Variants in PCDHGA6 observed in about 807,000 individuals in gnomAD.
PCDHGA6 encodes the protein protocadherin gamma-A6.
A neutral mutation model predicts 60.6 loss-of-function variants in PCDHGA6; 41 were observed. That is an observed-to-expected ratio of 0.68 (90% CI 0.53 to 0.88). The LOEUF is 0.88. Ranked by LOEUF, PCDHGA6 falls within the 40% of genes least tolerant of loss-of-function variation. The pLI, the probability that PCDHGA6 is intolerant of heterozygous loss-of-function variation, is 0.00. For missense variants in PCDHGA6, 1,312 were observed against 1,203.0 expected (o/e 1.09, Z -1.34); for synonymous variants, 594 against 524.4 (o/e 1.13, Z -1.81).
chr5:141,425,348 A>C (rs2096869744), intron 1 of PCDHGA6, among the ~76,000 whole-genome samples: 1 of 152,242 alleles, frequency 6.6e-6, no homozygotes, highest in Non-Finnish European at 1.5e-5. Context: ...GTTGGCTTTG[A>C]AATGTGATAT....
At position 141,418,475 on chromosome 5, in the gene PCDHGA6, A is replaced by G; in HGVS notation, c.2424+41968A>G. On this transcript the variant is annotated intron_variant, in intron 1 of 3. Transcript: ENST00000517434. The stretch of plus-strand genomic sequence containing the variant: ...GAAGACTCTGGACCGAGAAACGCAG[A>G]GCGCTCACCACTTGGTACTGACCGC... 3 of 1,614,000 alleles carry G rather than the reference A, an allele frequency of 1.9e-6. No individual in the cohort carries two copies. Among genetic ancestry groups the G allele is most frequent in the Non-Finnish European group, 2.5e-6 (3 of 1,179,892 alleles).
chr5:141,469,005 G>A (rs1011079995), intron 1 of PCDHGA6, among the ~76,000 whole-genome samples: 7 of 151,814 alleles, frequency 4.6e-5, no homozygotes, highest in South Asian at 2.1e-4. Context: ...TGCTGGGTGC[G>A]GTGGGTCACT....
rs756216038 is a variant in PCDHGA6, at chr5:141,477,967, C to G, written c.2425-16840C>G. 1.9e-6 allele frequency: 3 copies of G among 1,614,032 alleles called. No homozygotes were observed. Among genetic ancestry groups the G allele is most frequent in the Admixed American group, 3.3e-5 (2 of 59,996 alleles). ...GTCTCTTGGGATCCCCTAACCAGAG[C>G]CTTTTTGCCATAGGGCTGCACACTG... On this transcript the variant is annotated intron_variant, in intron 1 of 3. Transcript: ENST00000517434. The surrounding 1 kb of genome is among the most constrained non-coding windows in gnomAD (Gnocchi z 4.9).
At chr5:141,501,298 C>CAG (rs2099807427) in intron 2 of PCDHGA6, among the ~76,000 whole-genome samples, 1 of 148,330 alleles carries the variant, frequency 6.7e-6, no homozygotes, top group Non-Finnish European at 1.5e-5. Context: ...TATACACACA[C>CAG]ACACACACAC....
chr5:141,383,651 T>TC, intron 1 of PCDHGA6: 1 of 1,613,922 alleles, frequency 6.2e-7, no homozygotes, highest in Non-Finnish European at 8.5e-7. Flanking sequence ...CAAGTAACTG[T>TC]CCCCGAGAAT....
At chr5:141,414,279 A>C in intron 1 of PCDHGA6, 1 of 1,613,350 alleles carries the variant, frequency 6.2e-7, no homozygotes, top group Non-Finnish European at 8.5e-7. Flanking sequence ...CTCTGGGAAC[A>C]GTCGTAGCCC....
intron 1 of PCDHGA6, chr5:141,384,915 G>C (rs1460379128): frequency 1.2e-6 from 2 of 1,613,914 alleles, no homozygotes; most frequent in Non-Finnish European, 1.7e-6. Context: ...CCGAAGTCTT[G>C]GCCGACCTGG....
chr5:141,414,533 C>T, intron 1 of PCDHGA6: 1 of 1,613,960 alleles, frequency 6.2e-7, no homozygotes, highest in Non-Finnish European at 8.5e-7. Flanking sequence ...AATGACAACC[C>T]ACCTACCTTC....
intron 1 of PCDHGA6, among the ~76,000 whole-genome samples, chr5:141,450,485 T>A (rs1382219564): frequency 6.6e-6 from 1 of 152,160 alleles, no homozygotes; most frequent in Non-Finnish European, 1.5e-5. Flanking sequence ...GTTTGTTTGT[T>A]TGTCTGTTTG....
chr5:141,477,671 G>A lies in PCDHGA6; in HGVS notation c.2425-17136G>A, dbSNP rs1022028453. The A allele has an allele frequency of 1.2e-6, 2 of 1,614,198 alleles. No individual in the cohort carries two copies. Among genetic ancestry groups the A allele is most frequent in the Non-Finnish European group, 1.7e-6 (2 of 1,180,048 alleles). Reference sequence around the variant, plus strand: ...CACAATAAATCGTGACAATGGCATAGTGTCATCCTTAGTGCCCCTAGACTA... The same window carrying A: ...CACAATAAATCGTGACAATGGCATAATGTCATCCTTAGTGCCCCTAGACTA... On this transcript the variant is annotated intron_variant, in intron 1 of 3. Coordinates refer to ENST00000517434, the MANE Select transcript of PCDHGA6 (RefSeq NM_018919.3). This position sits in a 1 kb window ranked among gnomAD's most constrained non-coding sequence, Gnocchi z 4.9.
chr5:141,398,787 A>C, intron 1 of PCDHGA6: 1 of 1,613,902 alleles, frequency 6.2e-7, no homozygotes, highest in South Asian at 1.1e-5. Context: ...GTGGACATCC[A>C]CCCCTAAGCG....
intron 1 of PCDHGA6, among the ~76,000 whole-genome samples, chr5:141,457,975 C>T (rs2098934043): frequency 6.6e-6 from 1 of 152,202 alleles, no homozygotes; most frequent in South Asian, 2.1e-4. Context: ...AAGGGAAACA[C>T]ACCCTTTCAG....
rs573088236 is a variant in PCDHGA6, at chr5:141,489,279, G to A, written c.2425-5528G>A. On this transcript the variant is annotated intron_variant, in intron 1 of 3. Coordinates refer to ENST00000517434, the MANE Select transcript of PCDHGA6 (RefSeq NM_018919.3). This position sits in a 1 kb window ranked among gnomAD's most constrained non-coding sequence, Gnocchi z 4.5. Reference sequence around the variant, plus strand: ...CACTCCCACAGCTCGCTGGGAAATGGCAAGTGCTGTGCATGTTGTCCTTGT... The same window carrying A: ...CACTCCCACAGCTCGCTGGGAAATGACAAGTGCTGTGCATGTTGTCCTTGT... The A allele has an allele frequency of 6.4e-7, 1 of 1,562,030 alleles. No individual in the cohort carries two copies. Among genetic ancestry groups the A allele is most frequent in the East Asian group, 2.2e-5 (1 of 44,522 alleles).
chr5:141,459,084 A>T (rs2098960410), intron 1 of PCDHGA6, among the ~76,000 whole-genome samples: 2 of 152,204 alleles, frequency 1.3e-5, no homozygotes, highest in Non-Finnish European at 2.9e-5. Flanking sequence ...TGCCTTTTAA[A>T]ATTATACAGT....
chr5:141,463,644 G>C (rs1356692609), intron 1 of PCDHGA6, among the ~76,000 whole-genome samples: 1 of 151,596 alleles, frequency 6.6e-6, no homozygotes, highest in Non-Finnish European at 1.5e-5. Context: ...GTAGAGACGG[G>C]GTTTCACCGT....
chr5:141,471,618 A>C (rs1421854064), intron 1 of PCDHGA6: 1 of 152,218 alleles, frequency 6.6e-6, no homozygotes, highest in Non-Finnish European at 1.5e-5. Context: ...TGGGAGTAGT[A>C]AGCATTGGTA....
intron 1 of PCDHGA6, chr5:141,421,848 T>C (rs571838248): frequency 4.9e-5 from 79 of 1,613,634 alleles, no homozygotes; most frequent in Non-Finnish European, 6.0e-5. Flanking sequence ...AGAAAGAGGC[T>C]GCTCACCTGC....
chr5:141,464,843 A>G lies in PCDHGA6; in HGVS notation c.2425-29964A>G, dbSNP rs183890796. On this transcript the variant is annotated intron_variant, in intron 1 of 3. Coordinates refer to ENST00000517434, the MANE Select transcript of PCDHGA6 (RefSeq NM_018919.3). Reference sequence around the variant, plus strand: ...AGCCTCGCACTCCTGGGCTCAAGCAATCCTCCTACCTTAGCCTCCCAAGTA... The same window carrying G: ...AGCCTCGCACTCCTGGGCTCAAGCAGTCCTCCTACCTTAGCCTCCCAAGTA... 1.5e-3 allele frequency among the ~76,000 whole-genome samples: 231 copies of G among 152,234 alleles called. 1 individual carries two copies. Among genetic ancestry groups the G allele is most frequent in the Non-Finnish European group, 2.3e-3 (159 of 68,018 alleles).
chr5:141,510,944 C>T lies in PCDHGA6; in HGVS notation c.2573-3C>T, dbSNP rs772921698. 2 of 1,614,120 alleles carry T rather than the reference C, an allele frequency of 1.2e-6. No individual in the cohort carries two copies. Among genetic ancestry groups the T allele is most frequent in the South Asian group, 2.2e-5 (2 of 91,080 alleles). On this transcript the variant is annotated splice_region_variant and splice_polypyrimidine_tract_variant and intron_variant, in intron 3 of 3. Transcript: ENST00000517434. Reference sequence around the variant, plus strand: ...CCCACCTGATCTTCCTCTGTCTCTGCAGAAGCTGCTGATGGGAGCTCCACC... The same window carrying T: ...CCCACCTGATCTTCCTCTGTCTCTGTAGAAGCTGCTGATGGGAGCTCCACC...
Sources: allele counts gnomAD v4.1 joint callset (sites outside exome capture counted in the v4.1 genomes callset), GRCh38; gene constraint gnomAD v4.1.1; non-coding constraint Gnocchi (gnomAD v3.1); transcripts MANE v1.5; gene names NCBI Gene and HGNC (gene_info 2026-07-23, HGNC 2026-07-21).